Variants in MAJIN observed in about 807,000 individuals in gnomAD.
The protein encoded by MAJIN is membrane anchored junction protein, also known as membrane-anchored junction protein.
Under a neutral mutation model 30.2 loss-of-function variants are expected in MAJIN, and 27 were observed. That is an observed-to-expected ratio of 0.89 (90% CI 0.66 to 1.23). MAJIN has a LOEUF of 1.23. MAJIN is among the 50% of genes most tolerant of loss of function. The pLI, the probability that MAJIN is intolerant of heterozygous loss-of-function variation, is 0.00. For missense variants in MAJIN, 253 were observed against 260.3 expected, an observed-to-expected ratio of 0.97 and a Z score of 0.19; for synonymous variants, 78 against 91.6, an observed-to-expected ratio of 0.85 and a Z score of 0.85.
intron 8 of MAJIN, among the ~76,000 whole-genome samples, chr11:64,945,228 C>T (rs894998931): frequency 4.6e-5 from 7 of 151,986 alleles, no homozygotes; most frequent in Non-Finnish European, 7.4e-5. Context: ...CGTGGTAGCA[C>T]ACGCCTGTAG....
At chr11:64,939,793 G>A (rs750266853) in intron 9 of MAJIN, 26 bp from the exon 10 acceptor site, 3 of 1,607,610 alleles carry the variant, frequency 1.9e-6, no homozygotes, top group Middle Eastern at 1.7e-4. Context: ...TCAGGCAGGA[G>A]CAAGATGTTT....
At chr11:64,950,266 G>A (rs1005949121) in intron 5 of MAJIN, 89 bp downstream of exon 5, 101 of 1,106,836 alleles carry the variant, frequency 9.1e-5, no homozygotes, top group Non-Finnish European at 1.3e-4. Context: ...GGAGGCTGAG[G>A]TTGCAGTGAG....
chr11:64,948,241 C>G (rs895755726), intron 6 of MAJIN, among the ~76,000 whole-genome samples: 4 of 151,932 alleles, frequency 2.6e-5, no homozygotes, highest in Admixed American at 6.6e-5. Flanking sequence ...CTACCTGGTA[C>G]TATTTTCCCT....
chr11:64,944,252 G>A (rs1348425020), intron 8 of MAJIN, among the ~76,000 whole-genome samples: 9 of 152,130 alleles, frequency 5.9e-5, no homozygotes, highest in Admixed American at 5.2e-4. Flanking sequence ...CAGTCCATTC[G>A]GACTTCTCCA....
rs768823401 is a variant in MAJIN, at chr11:64,938,364, T to C, written c.*211A>G. 3 of 703,402 alleles carry C rather than the reference T, an allele frequency of 4.3e-6. No individual in the cohort carries two copies. Among genetic ancestry groups the C allele is most frequent in the Non-Finnish European group, 6.9e-6 (3 of 436,110 alleles). The allele number at this position is 703,402 out of a possible 1,614,324, so 43.6% of individuals were successfully genotyped here. A position where few individuals can be genotyped will look rare whatever the true frequency, so the allele number is the denominator to read the frequency against. On this transcript the variant is annotated 3_prime_UTR_variant, in exon 11 of 11. Coordinates refer to ENST00000301896, the MANE Select transcript of MAJIN (RefSeq NM_001037225.3). The stretch of plus-strand genomic sequence containing the variant: ...TTAAATTGGGGGAAAAAATCTATTA[T>C]AAAGGGGCAAAGGACACGATAAAAC...
chr11:64,969,676 T>C (rs758267244), intron 1 of MAJIN, among the ~76,000 whole-genome samples: 2 of 150,398 alleles, frequency 1.3e-5, no homozygotes, highest in African/African-American at 2.4e-5. Flanking sequence ...CTCAGGAAGC[T>C]GAGGCAGGCA....
chr11:64,959,268 G>A (rs1278041456), intron 3 of MAJIN, 37 bp downstream of exon 3: 2 of 1,524,732 alleles, frequency 1.3e-6, no homozygotes, highest in South Asian at 1.1e-5. Flanking sequence ...GCACTAACTG[G>A]TGTTTGCATA....
intron 1 of MAJIN, among the ~76,000 whole-genome samples, chr11:64,966,092 ACCATTGGGT>A (rs1448794020): frequency 1.5e-5 from 2 of 137,734 alleles, no homozygotes; most frequent in Admixed American, 7.8e-5. Context: ...TTTTGATTAC[ACCATTGGGT>A]GAGCTGCCCA....
At chr11:64,961,985 C>T (rs181310062) in intron 1 of MAJIN, among the ~76,000 whole-genome samples, 414 of 152,146 alleles carry the variant, frequency 2.7e-3, no homozygotes, top group Middle Eastern at 0.017. Context: ...CAGGGTCTCA[C>T]TATGTTGCCC....
chr11:64,963,605 C>A (rs1054215799), intron 1 of MAJIN, among the ~76,000 whole-genome samples: 1 of 152,130 alleles, frequency 6.6e-6, no homozygotes, highest in Non-Finnish European at 1.5e-5. Context: ...TGGGAGGCTG[C>A]AGCAGGTGGA....
intron 8 of MAJIN, chr11:64,945,971 C>A: frequency 1.0e-6 from 1 of 977,694 alleles, no homozygotes; most frequent in South Asian, 1.9e-5. Context: ...TCAGTCAATT[C>A]AATCTGCACG....
chr11:64,938,293 C>T lies in MAJIN; in HGVS notation c.*282G>A, dbSNP rs1056582124. On this transcript the variant is annotated 3_prime_UTR_variant, in exon 11 of 11. Transcript: ENST00000301896. ...AGTGCCGAAGACAAAAGGCCTAAACCGGCCCTCAGGACATGAACATTTTAG... is the reference window on the plus strand; with the variant it reads ...AGTGCCGAAGACAAAAGGCCTAAACTGGCCCTCAGGACATGAACATTTTAG... The T allele has an allele frequency of 4.5e-5, 22 of 486,482 alleles. No homozygotes were observed. Among genetic ancestry groups the T allele is most frequent in the South Asian group, 2.9e-5 (1 of 35,024 alleles). The allele number at this position is 486,482 out of a possible 1,614,324, so 30.1% of individuals were successfully genotyped here.
intron 1 of MAJIN, among the ~76,000 whole-genome samples, chr11:64,967,078 C>T (rs550903612): frequency 2.6e-5 from 4 of 151,512 alleles, no homozygotes; most frequent in East Asian, 1.9e-4. Flanking sequence ...GAGACCAGCC[C>T]GGGCAACACA....
At chr11:64,958,150 C>T (rs1345436066) in intron 3 of MAJIN, among the ~76,000 whole-genome samples, 4 of 150,200 alleles carry the variant, frequency 2.7e-5, no homozygotes, top group African/African-American at 4.9e-5. Flanking sequence ...ACCATGTTGG[C>T]CAGGCTGGTC....
chr11:64,955,438 T>C (rs934617960), intron 3 of MAJIN, among the ~76,000 whole-genome samples: 5 of 152,228 alleles, frequency 3.3e-5, no homozygotes, highest in Admixed American at 2.6e-4. Flanking sequence ...CAAAATATGA[T>C]AGTTATTTTA....
In MAJIN at chr11:64,954,465, T is replaced by C. The variant is rs565234164; in HGVS notation, c.147+292A>G. 4.1e-5 allele frequency: 20 copies of C among 487,960 alleles called. No homozygotes were observed. In the East Asian group the frequency reaches 6.4e-4, roughly 16 times the overall value. 30.2% of individuals were successfully genotyped at this position (487,960 alleles called of 1,614,324 possible). Reference sequence around the variant, plus strand: ...TGGAAGGAGGCAGTCCTCCGGAATCTTTCTCTATGCCAGCTGCAACAAAAG... The same window carrying C: ...TGGAAGGAGGCAGTCCTCCGGAATCCTTCTCTATGCCAGCTGCAACAAAAG... On this transcript the variant is annotated intron_variant, in intron 4 of 10. Coordinates refer to ENST00000301896, the MANE Select transcript of MAJIN (RefSeq NM_001037225.3).
intron 8 of MAJIN, among the ~76,000 whole-genome samples, chr11:64,940,932 C>T (rs557002923): frequency 3.4e-5 from 5 of 146,018 alleles, no homozygotes; most frequent in Middle Eastern, 3.5e-3. Flanking sequence ...TCTGCCTCTC[C>T]GGTTCACGCC....
At chr11:64,957,992 A>C (rs1051657431) in intron 3 of MAJIN, among the ~76,000 whole-genome samples, 14 of 151,024 alleles carry the variant, frequency 9.3e-5, no homozygotes, top group Admixed American at 7.3e-4. Context: ...CTTGGGCTGG[A>C]GTGCAGTGGG....
At chr11:64,947,676 G>T in intron 7 of MAJIN, 112 bp downstream of exon 7, 1 of 1,213,462 alleles carries the variant, frequency 8.2e-7, no homozygotes, top group Non-Finnish European at 1.2e-6. Flanking sequence ...ATTCTGACTG[G>T]ACCTGGGCAG....
Sources: gnomAD v4.1 joint callset for allele counts (sites outside exome capture counted in the v4.1 genomes callset) on GRCh38, gnomAD v4.1.1 for gene constraint, MANE v1.5 for transcripts, NCBI Gene and HGNC (gene_info 2026-07-23, HGNC 2026-07-21) for gene names.